The following TTC19 variants were observed in gnomAD, a reference collection of about 807,000 sequenced individuals.
TTC19 encodes the protein tetratricopeptide repeat protein 19, mitochondrial.
Under a neutral mutation model 49.5 loss-of-function variants are expected in TTC19, and 38 were observed. That is an observed-to-expected ratio of 0.77 (90% CI 0.59 to 1.01). TTC19 has a LOEUF of 1.01. Ranked by LOEUF, TTC19 falls within the 50% of genes least tolerant of loss-of-function variation. The probability of loss-of-function intolerance (pLI) is 0.00; values close to 1 mark genes in which losing one functional copy is unlikely to be tolerated. For synonymous variants in TTC19, 204 were observed against 185.2 expected, an observed-to-expected ratio of 1.10 and a Z score of -0.83; for missense variants, 475 against 477.7, an observed-to-expected ratio of 0.99 and a Z score of 0.05.
At chr17:16,041,557 GCCCCC>G (rs377594813) in intron 2 of TTC19, among the ~76,000 whole-genome samples, 2 of 150,780 alleles carry the variant, frequency 1.3e-5, no homozygotes, top group East Asian at 3.9e-4. Flanking sequence ...GGGATTATAG[GCCCCC>G]CGCCACCATG....
intron 7 of TTC19, 44 bp from the exon 8 acceptor site, chr17:16,024,973 A>C (rs1971501824): frequency 1.2e-6 from 2 of 1,602,870 alleles, no homozygotes; most frequent in African/African-American, 2.7e-5. Context: ...GGGTCCTGGT[A>C]ACAACCATTT....
intron 2 of TTC19, 110 bp from the exon 3 acceptor site, chr17:16,001,805 G>A (rs1430829380): frequency 1.1e-5 from 8 of 748,396 alleles, no homozygotes; most frequent in Non-Finnish European, 1.9e-5. Flanking sequence ...TCTGATGAAT[G>A]AGTTAGCTTC....
intron 7 of TTC19, among the ~76,000 whole-genome samples, chr17:16,018,906 A>G (rs1246674808): frequency 1.3e-5 from 2 of 152,204 alleles, no homozygotes; most frequent in East Asian, 1.9e-4. Flanking sequence ...CCAGATTTCA[A>G]TATTTTACCA....
At position 16,012,883 on chromosome 17, in the gene TTC19, C is replaced by T. The variant is rs1387672151; in HGVS notation, c.676+6315C>T. Among the ~76,000 whole-genome samples the T allele has an allele frequency of 3.3e-5, 5 of 152,136 alleles. 1 individual carries two copies. The highest frequency in any genetic ancestry group is 2.6e-4 in the Admixed American group (4 of 15,276). On this transcript the variant is annotated intron_variant, in intron 7 of 9. Transcript: ENST00000261647. ...TACTCTGTGTCCCTTAAGAAGATGT[C>T]ATTTAGTTTTTGCATATTGCTTTTA...
intron 9 of TTC19, 195 bp downstream of exon 9, chr17:16,026,897 A>G: frequency 1.5e-6 from 1 of 671,580 alleles, no homozygotes; most frequent in Non-Finnish European, 2.7e-6. Flanking sequence ...TAACTTCTAC[A>G]GACCTGCACT....
chr17:16,035,074 C>T, intron 2 of TTC19: 1 of 843,596 alleles, frequency 1.2e-6, no homozygotes, highest in Non-Finnish European at 1.8e-6. Flanking sequence ...TCCTGGTACT[C>T]AATGAAATAA....
downstream of TTC19, among the ~76,000 whole-genome samples, chr17:16,033,336 C>CAAAAAAA (rs59285422): frequency 1.0e-2 from 573 of 57,320 alleles, 5 homozygotes; most frequent in African/African-American, 0.031. Flanking sequence ...ACTCCGTCTC[C>CAAAAAAA]AAAAAAAAAA....
Position 16,000,002 on chromosome 17 carries a change from C to CGG in TTC19, c.157_158dup (p.Pro54AlafsTer48), listed in dbSNP as rs1325328459. On this transcript the variant is annotated frameshift_variant, in exon 1 of 10. Transcript: ENST00000261647. LOFTEE classifies it high-confidence loss of function. ...GCCATCCCGAGTCGCGCCGCACGGC[C>CGG]GGGGCCCAGGCCTGCTGCCGCTGCT... is the stretch of plus-strand genomic sequence containing the variant. 2.4e-6 allele frequency: 3 copies of CGG among 1,255,936 alleles called. No individual in the cohort carries two copies. The East Asian group carries it at 1.0e-4, about 43-fold the overall frequency. The allele number at this position is 1,255,936 out of a possible 1,614,324, so 77.8% of individuals were successfully genotyped here. A position where few individuals can be genotyped will look rare whatever the true frequency, so the allele number is the denominator to read the frequency against.
At chr17:16,021,011 C>T (rs1191740334) in intron 7 of TTC19, among the ~76,000 whole-genome samples, 1 of 146,236 alleles carries the variant, frequency 6.8e-6, no homozygotes, top group South Asian at 2.1e-4. Context: ...TCTATTTGTT[C>T]ATTCATTCAA....
In TTC19 at chr17:15,999,866, C is replaced by G. The variant is rs1374379212; in HGVS notation, c.18C>G (p.Ser6Arg). Residue 6 changes from serine to arginine, a missense_variant, in exon 1 of 10, where the codon AGC becomes AGG. By Grantham distance (110) the Ser-to-Arg change is moderately radical. Transcript: ENST00000261647. ...GCGGGAGCATGTTCCGGCTCCTGAGCTGGAGCCTGGGCCGAGGCTTCCTGC... is the reference window on the plus strand; with the variant it reads ...GCGGGAGCATGTTCCGGCTCCTGAGGTGGAGCCTGGGCCGAGGCTTCCTGC... MFRLL[S>R]WSLGRGFLRA... 1 of 1,493,992 alleles carries G rather than the reference C, an allele frequency of 6.7e-7. No homozygotes were observed. The highest frequency in any genetic ancestry group is 8.9e-7 in the Non-Finnish European group (1 of 1,128,890). The allele number at this position is 1,493,992 out of a possible 1,614,324, so 92.5% of individuals were successfully genotyped here. A position where few individuals can be genotyped will look rare whatever the true frequency, so the allele number is the denominator to read the frequency against.
chr17:16,013,588 C>A lies in TTC19; in HGVS notation c.676+7020C>A, dbSNP rs117144315. ...TGTTTTCTTGCAGATAGTAATCAAT[C>A]TATATGTACTAATTAGTACATACTT... On this transcript the variant is annotated intron_variant, in intron 7 of 9. Coordinates refer to ENST00000261647, the MANE Select transcript of TTC19 (RefSeq NM_017775.4). Among the ~76,000 whole-genome samples the A allele has an allele frequency of 4.1e-3, 625 of 152,172 alleles. 3 individuals carry two copies. Among genetic ancestry groups the A allele is most frequent in the Non-Finnish European group, 6.7e-3 (458 of 68,012 alleles).
At chr17:16,044,229 G>A (rs981232221) in intron 2 of TTC19, among the ~76,000 whole-genome samples, 12 of 151,010 alleles carry the variant, frequency 7.9e-5, no homozygotes, top group African/African-American at 2.7e-4. Context: ...TAACAATTCT[G>A]GTCAGCATTC....
chr17:16,000,567 A>G (rs1970693806), intron 2 of TTC19: 1 of 467,046 alleles, frequency 2.1e-6, no homozygotes. Context: ...GAAATGACAT[A>G]ATTTCGCACG....
intron 2 of TTC19, among the ~76,000 whole-genome samples, chr17:16,035,295 A>C (rs933246458): frequency 4.6e-5 from 7 of 152,310 alleles, no homozygotes; most frequent in Admixed American, 2.6e-4. Context: ...GAACTTTCAA[A>C]ATTGGAGTTG....
At chr17:16,033,351 A>C (rs1597511513), downstream of TTC19, among the ~76,000 whole-genome samples, 2 of 151,732 alleles carry the variant, frequency 1.3e-5, no homozygotes, top group Non-Finnish European at 2.9e-5. Flanking sequence ...AAAAAAAAAA[A>C]AAAACCCAAA....
chr17:16,032,928 G>C (rs984061527), downstream of TTC19, among the ~76,000 whole-genome samples: 2 of 152,210 alleles, frequency 1.3e-5, no homozygotes, highest in Non-Finnish European at 2.9e-5. Flanking sequence ...GTCATCTGCT[G>C]AATCTCACTG....
exon 3 of TTC19, chr17:16,044,905 A>G (rs750674719): frequency 2.4e-4 from 167 of 704,610 alleles, no homozygotes; most frequent in Non-Finnish European, 6.3e-5. Flanking sequence ...GTGGAAGCAA[A>G]CAAAGAAGAA....
chr17:16,031,603 A>G (rs1972005560), downstream of TTC19: 1 of 199,996 alleles, frequency 5.0e-6, no homozygotes. Flanking sequence ...GCTACTAATG[A>G]AAAAAAAAAA....
At chr17:16,041,581 A>T (rs1304680642) in intron 2 of TTC19, among the ~76,000 whole-genome samples, 1 of 149,112 alleles carries the variant, frequency 6.7e-6, no homozygotes, top group Admixed American at 6.7e-5. Flanking sequence ...TGCCCAGCTA[A>T]TTTTTGTATT....
Sources: allele counts gnomAD v4.1 joint callset (sites outside exome capture counted in the v4.1 genomes callset), GRCh38; gene constraint gnomAD v4.1.1; transcripts MANE v1.5; gene names NCBI Gene and HGNC (gene_info 2026-07-23, HGNC 2026-07-21).